The following DNM1 variants were observed in gnomAD, a reference collection of about 807,000 sequenced individuals.
DNM1 encodes the protein dynamin-1.
In DNM1, 29 loss-of-function variants were observed where a neutral mutation model predicts 104.6. That is an observed-to-expected ratio of 0.28 (90% CI 0.21 to 0.38). The LOEUF is 0.38. Ranked by LOEUF, DNM1 falls within the 10% of genes least tolerant of loss-of-function variation. The pLI is 1.00. For synonymous variants in DNM1, 445 were observed against 475.8 expected, an observed-to-expected ratio of 0.94 and a Z score of 0.84; for missense variants, 640 against 1,189.4, an observed-to-expected ratio of 0.54 and a Z score of 6.79.
At chr9:128,232,205 C>G in intron 10 of DNM1, 3 of 377,088 alleles carry the variant, frequency 8.0e-6, no homozygotes, top group Non-Finnish European at 1.6e-5. Flanking sequence ...CAAACTCTAC[C>G]CTGGGAGGGA....
chr9:128,238,272 T>C (rs887505347), intron 11 of DNM1, among the ~76,000 whole-genome samples: 1 of 152,204 alleles, frequency 6.6e-6, no homozygotes, highest in Non-Finnish European at 1.5e-5. Flanking sequence ...TTGCCCAGGC[T>C]GGAGTGCAAT....
At chr9:128,214,263 G>T (rs1412003754) in intron 1 of DNM1, among the ~76,000 whole-genome samples, 1 of 152,134 alleles carries the variant, frequency 6.6e-6, no homozygotes, top group Non-Finnish European at 1.5e-5. Flanking sequence ...AGCCACGATT[G>T]GTTCAGCCAT....
intron 21 of DNM1, chr9:128,251,979 G>C (rs1829558833): frequency 6.0e-6 from 1 of 165,662 alleles, no homozygotes; most frequent in Non-Finnish European, 1.3e-5. Context: ...ATGATGCTCT[G>C]ATGACCAAAG....
chr9:128,251,306 A>C, intron 21 of DNM1: 1 of 412,416 alleles, frequency 2.4e-6, no homozygotes, highest in Non-Finnish European at 4.8e-6. Flanking sequence ...ATTCCGTCCA[A>C]TTCCTCTCCC....
Position 128,203,398 on chromosome 9 carries a change from A to G in DNM1, c.-73A>G, listed in dbSNP as rs1309393796. The stretch of plus-strand genomic sequence containing the variant: ...GCAGGCAGTCTGGGCGCGCGGCTGC[A>G]GCGGCGGAGCCGGAGTCGGAGCCGG... On this transcript the variant is annotated 5_prime_UTR_variant, in exon 1 of 22. Coordinates refer to ENST00000372923, the MANE Select transcript of DNM1 (RefSeq NM_004408.4). This position sits in a 1 kb window ranked among gnomAD's most constrained non-coding sequence, Gnocchi z 5.3. The G allele has an allele frequency of 1.5e-6, 2 of 1,315,250 alleles. No homozygotes were observed. The highest frequency in any genetic ancestry group is 1.9e-6 in the Non-Finnish European group (2 of 1,030,150). 81.5% of individuals were successfully genotyped at this position (1,315,250 alleles called of 1,614,324 possible).
intron 14 of DNM1, among the ~76,000 whole-genome samples, chr9:128,241,354 G>A (rs568160517): frequency 2.0e-5 from 3 of 152,298 alleles, no homozygotes; most frequent in Admixed American, 1.3e-4. Context: ...GCCCTGGACC[G>A]TGGCCATGGC....
At chr9:128,249,238 G>A (rs572747286) in intron 19 of DNM1, among the ~76,000 whole-genome samples, 10 of 151,248 alleles carry the variant, frequency 6.6e-5, no homozygotes, top group Admixed American at 2.6e-4. Context: ...GGCTGTGCAC[G>A]GTGGCTCATG....
In DNM1 at chr9:128,248,831, T is replaced by C. The variant is rs1829326477; in HGVS notation, c.2076+78T>C. On this transcript the variant is annotated intron_variant, in intron 19 of 21. Coordinates refer to ENST00000372923, the MANE Select transcript of DNM1 (RefSeq NM_004408.4). This position sits in a 1 kb window ranked among gnomAD's most constrained non-coding sequence, Gnocchi z 5.6. ...GGTGGCCATGTTGGCCTGGGGGAGA[T>C]GCCAACCAGCCCTATGGGACCAGGT... The C allele has an allele frequency of 6.6e-7, 1 of 1,504,240 alleles. No individual in the cohort carries two copies. The highest frequency in any genetic ancestry group is 9.1e-7 in the Non-Finnish European group (1 of 1,092,998). The allele number at this position is 1,504,240 out of a possible 1,614,324, so 93.2% of individuals were successfully genotyped here.
chr9:128,216,675 A>AG (rs1834624711), intron 1 of DNM1, among the ~76,000 whole-genome samples: 1 of 152,166 alleles, frequency 6.6e-6, no homozygotes, highest in Admixed American at 6.5e-5. Context: ...AGGCTTCAAG[A>AG]GGGGGCTTTG....
In DNM1 at chr9:128,248,733, A is replaced by G; in HGVS notation, c.2056A>G (p.Met686Val). 1 of 1,613,670 alleles carries G rather than the reference A, an allele frequency of 6.2e-7. No individual in the cohort carries two copies. Among genetic ancestry groups the G allele is most frequent in the Non-Finnish European group, 8.5e-7 (1 of 1,179,628 alleles). The change falls in exon 19 of 22, where the codon ATG becomes GTG. Residue 686 changes from methionine (M) to valine (V), a missense_variant. Met to Val is a conservative substitution (Grantham distance 21). Around this residue, in one of 7 missense-constraint regions of DNM1, gnomAD observed 91 missense variants for 256.3 expected, o/e 0.36. Transcript: ENST00000372923. The surrounding 1 kb of genome is among the most constrained non-coding windows in gnomAD (Gnocchi z 5.6). ...TVRDLMPKTIMHLMINNTKEF... is the reference protein window; with the variant it reads ...TVRDLMPKTIVHLMINNTKEF... Reference sequence around the variant, plus strand: ...GAGGGACCTCATGCCCAAGACCATCATGCACCTCATGATTAACAATGTGCG... The same window carrying G: ...GAGGGACCTCATGCCCAAGACCATCGTGCACCTCATGATTAACAATGTGCG...
chr9:128,205,908 C>G (rs1234203658), intron 1 of DNM1, among the ~76,000 whole-genome samples: 1 of 152,192 alleles, frequency 6.6e-6, no homozygotes, highest in Non-Finnish European at 1.5e-5. Flanking sequence ...CCTCTCCACC[C>G]CAATGCCCTT....
At chr9:128,242,623 G>T (rs780695952) in intron 15 of DNM1, among the ~76,000 whole-genome samples, 3 of 152,182 alleles carry the variant, frequency 2.0e-5, no homozygotes, top group Non-Finnish European at 2.9e-5. Context: ...AACCAGGTGT[G>T]TTGGCGGGCG....
chr9:128,226,337 C>T lies in DNM1; in HGVS notation c.1335+1948C>T, dbSNP rs3003612. Reference sequence around the variant, plus strand: ...AACCCTGGGTACTTGCACTCATGACCCCTCCAGGCCCCCATCCCAGAAGAC... The same window carrying T: ...AACCCTGGGTACTTGCACTCATGACTCCTCCAGGCCCCCATCCCAGAAGAC... On this transcript the variant is annotated intron_variant, in intron 10 of 21. Coordinates refer to ENST00000372923, the MANE Select transcript of DNM1 (RefSeq NM_004408.4). Among the ~76,000 whole-genome samples the T allele has an allele frequency of 0.49, 74,474 of 152,026 alleles. 19,193 individuals are homozygous for T. Among genetic ancestry groups the T allele is most frequent in the Admixed American group, 0.62 (9,528 of 15,282 alleles).
In DNM1 at chr9:128,222,614, G is replaced by C; in HGVS notation, c.1128+18G>C. The C allele has an allele frequency of 6.2e-7, 1 of 1,613,846 alleles. No individual in the cohort carries two copies. Among genetic ancestry groups the C allele is most frequent in the Middle Eastern group, 1.6e-4 (1 of 6,062 alleles). ...TGGTCAAGGTAGGTCAGGCAGCCCT[G>C]GGGACAGGATGGCTCAGGACTCCCC... is the stretch of plus-strand genomic sequence containing the variant. On this transcript the variant is annotated intron_variant, in intron 8 of 21. Coordinates refer to ENST00000372923, the MANE Select transcript of DNM1 (RefSeq NM_004408.4). This position sits in a 1 kb window ranked among gnomAD's most constrained non-coding sequence, Gnocchi z 7.8.
At chr9:128,214,714 A>C (rs1002463464) in intron 1 of DNM1, among the ~76,000 whole-genome samples, 7 of 152,224 alleles carry the variant, frequency 4.6e-5, no homozygotes, top group Non-Finnish European at 4.4e-5. Context: ...GCCTCTGCAG[A>C]TGGCCAGGCA....
chr9:128,246,683 C>A (rs1347491128), intron 16 of DNM1, among the ~76,000 whole-genome samples, 180 bp downstream of exon 16: 1 of 149,960 alleles, frequency 6.7e-6, no homozygotes, highest in Non-Finnish European at 1.5e-5. Flanking sequence ...GATCTCCCAT[C>A]CCCTCCCCTT....
At position 128,243,118 on chromosome 9, in the gene DNM1, G is replaced by A. The variant is rs2131266112; in HGVS notation, c.1671+773G>A. Among the ~76,000 whole-genome samples, 1 of 152,310 alleles carries A rather than the reference G, an allele frequency of 6.6e-6. No homozygotes were observed. The highest frequency in any genetic ancestry group is 3.4e-3 in the Middle Eastern group (1 of 292). On this transcript the variant is annotated intron_variant, in intron 15 of 21. Transcript: ENST00000372923. The surrounding 1 kb of genome is among the most constrained non-coding windows in gnomAD (Gnocchi z 4.0). ...ATGACCAGGGTGCCCTCAGGCTGAG[G>A]GGCAAGGAGTGTGGGGGCCCTGCCG...
At chr9:128,234,519 G>A (rs572111924) in intron 11 of DNM1, among the ~76,000 whole-genome samples, 4 of 151,954 alleles carry the variant, frequency 2.6e-5, no homozygotes, top group African/African-American at 9.6e-5. Context: ...GGGAGGTGGC[G>A]TGCGCCACCA....
rs61020870 is a variant in DNM1, at chr9:128,220,742, C to CGCGCGCGCGCGCGTGTGTGTGTGT, written c.849+402_849+403insCGCGCGCGCGCGTGTGTGTGTGTG. ...CAGAACTGAAGTGCGCGCGCGCGCG[C>CGCGCGCGCGCGCGTGTGTGTGTGT]GTGTGTGTGTGTGTGTGTGTGTGTG... On this transcript the variant is annotated intron_variant, in intron 6 of 21. Coordinates refer to ENST00000372923, the MANE Select transcript of DNM1 (RefSeq NM_004408.4). This position sits in a 1 kb window ranked among gnomAD's most constrained non-coding sequence, Gnocchi z 5.2. Among the ~76,000 whole-genome samples the CGCGCGCGCGCGCGTGTGTGTGTGT allele has an allele frequency of 2.2e-5, 3 of 136,278 alleles. No individual in the cohort carries two copies. Among genetic ancestry groups the CGCGCGCGCGCGCGTGTGTGTGTGT allele is most frequent in the African/African-American group, 8.0e-5 (3 of 37,720 alleles). The allele number at this position is 136,278 out of a possible 152,430, so 89.4% of individuals were successfully genotyped here.
Sources: allele counts gnomAD v4.1 joint callset (sites outside exome capture counted in the v4.1 genomes callset), GRCh38; gene constraint gnomAD v4.1.1; regional missense constraint gnomAD v4.1.1; non-coding constraint Gnocchi (gnomAD v3.1); transcripts MANE v1.5; gene names NCBI Gene and HGNC (gene_info 2026-07-23, HGNC 2026-07-21).